The following GBE1 variants were observed in gnomAD, a reference collection of about 807,000 sequenced individuals.
The protein encoded by GBE1 is 1,4-alpha-glucan branching enzyme 1.
GBE1 carries 70 observed loss-of-function variants against 88.8 expected under a neutral mutation model. That is an observed-to-expected ratio of 0.79 (90% CI 0.65 to 0.96). GBE1 has a LOEUF of 0.96. Among genes scored for constraint, GBE1 ranks in the 40% least tolerant of loss-of-function variants. The pLI, the probability that GBE1 is intolerant of heterozygous loss-of-function variation, is 0.00. For synonymous variants in GBE1, 284 were observed against 300.1 expected (o/e 0.95, Z 0.56); for missense variants, 872 against 871.0 (o/e 1.00, Z -0.01).
In GBE1 at chr3:81,502,832, T is replaced by C. The variant is rs556209841; in HGVS notation, c.1935-3605A>G. ...CAATTCCTACATCATCCTTTTTCTGTGAAAATTTATCTCTGAAAATATGAC... is the reference window on the plus strand; with the variant it reads ...CAATTCCTACATCATCCTTTTTCTGCGAAAATTTATCTCTGAAAATATGAC... On this transcript the variant is annotated intron_variant, in intron 14 of 15. Transcript: ENST00000429644. Among the ~76,000 whole-genome samples, 89 of 152,194 alleles carry C rather than the reference T, an allele frequency of 5.8e-4. 2 individuals carry two copies. Among genetic ancestry groups the C allele is most frequent in the Non-Finnish European group, 3.5e-4 (24 of 68,024 alleles).
At chr3:81,632,449 G>GA (rs547193414) in intron 7 of GBE1, among the ~76,000 whole-genome samples, 40 of 151,734 alleles carry the variant, frequency 2.6e-4, no homozygotes, top group Middle Eastern at 3.4e-3. Context: ...CAACAAAGAT[G>GA]AAAAAAAAGC....
At chr3:81,688,697 T>C (rs1347763444) in intron 2 of GBE1, among the ~76,000 whole-genome samples, 6 of 152,052 alleles carry the variant, frequency 3.9e-5, no homozygotes, top group Admixed American at 3.3e-4. Context: ...TTACTATGGG[T>C]CACTAACCAA....
chr3:81,496,141 G>T (rs897679951), intron 15 of GBE1, among the ~76,000 whole-genome samples: 8 of 152,178 alleles, frequency 5.3e-5, no homozygotes, highest in Non-Finnish European at 1.0e-4. Flanking sequence ...AAAATATAGA[G>T]AAATGATTAT....
intron 14 of GBE1, among the ~76,000 whole-genome samples, chr3:81,524,726 T>C (rs1261907524): frequency 6.6e-6 from 1 of 151,864 alleles, no homozygotes; most frequent in Non-Finnish European, 1.5e-5. Context: ...TGTAGATACA[T>C]GGATTGATTT....
Position 81,670,921 on chromosome 3 carries a change from T to C in GBE1, c.346A>G (p.Lys116Glu), listed in dbSNP as rs377305989. The change falls in exon 3 of 16, where the codon AAA becomes GAA. Residue 116 changes from lysine (K) to glutamate (E), a missense_variant. Lys to Glu is a moderately conservative substitution (Grantham distance 56). Coordinates refer to ENST00000429644, the MANE Select transcript of GBE1 (RefSeq NM_000158.4). ...GWNPFSYPYK[K>E]LDYGKWELYI... Reference sequence around the variant, plus strand: ...AGCTCCCATTTTCCATAATCCAGTTTTTTGTATGGGTACGAAAATGGATTC... The same window carrying C: ...AGCTCCCATTTTCCATAATCCAGTTCTTTGTATGGGTACGAAAATGGATTC... The C allele has an allele frequency of 7.8e-5, 123 of 1,573,772 alleles. No individual in the cohort carries two copies. In the African/African-American group the frequency reaches 1.2e-3, roughly 15 times the overall value.
At chr3:81,597,553 C>T (rs963666507) in intron 7 of GBE1, among the ~76,000 whole-genome samples, 13 of 148,734 alleles carry the variant, frequency 8.7e-5, no homozygotes, top group African/African-American at 3.0e-4. Flanking sequence ...CATTTTAGCT[C>T]TTAGCTTTAT....
At chr3:81,553,787 A>G (rs910746297) in intron 12 of GBE1, among the ~76,000 whole-genome samples, 7 of 151,898 alleles carry the variant, frequency 4.6e-5, no homozygotes, top group African/African-American at 1.7e-4. Flanking sequence ...TTAAATCAGA[A>G]GAGAACAGAT....
intron 4 of GBE1, among the ~76,000 whole-genome samples, chr3:81,649,460 A>G (rs1055081446): frequency 6.6e-6 from 1 of 152,036 alleles, no homozygotes; most frequent in Non-Finnish European, 1.5e-5. Context: ...CCTAATTCAA[A>G]CCCTGAGAAA....
intron 12 of GBE1, among the ~76,000 whole-genome samples, chr3:81,549,239 A>C (rs968330340): frequency 6.6e-6 from 1 of 151,184 alleles, no homozygotes. Flanking sequence ...CTTCTTGGCC[A>C]GGCTGGTCTC....
rs1193166111 is a variant in GBE1 at position 81,560,783 on chromosome 3, T to C, written c.1618+17142A>G. On this transcript the variant is annotated intron_variant, in intron 12 of 15. Transcript: ENST00000429644. The stretch of plus-strand genomic sequence containing the variant: ...AAAGCTGTTTCTGGGTTGTTTCTCT[T>C]ATGCTATAAAATTCCTTCGTAAAAA... Among the ~76,000 whole-genome samples the C allele has an allele frequency of 2.6e-5, 4 of 152,140 alleles. No individual in the cohort carries two copies. In the South Asian group the frequency reaches 8.3e-4, roughly 31 times the overall value.
chr3:81,716,334 AT>A (rs1445702585), intron 1 of GBE1, among the ~76,000 whole-genome samples: 2 of 152,294 alleles, frequency 1.3e-5, no homozygotes, highest in Middle Eastern at 3.4e-3. Flanking sequence ...TAAATTCAAA[AT>A]TATTATCTTT....
In GBE1 at chr3:81,606,231, T is replaced by C. The variant is rs115712116; in HGVS notation, c.993-12208A>G. Among the ~76,000 whole-genome samples, 1,247 of 152,326 alleles carry C rather than the reference T, an allele frequency of 8.2e-3. 8 individuals carry two copies. The highest frequency in any genetic ancestry group is 0.014 in the Non-Finnish European group (945 of 68,022). On this transcript the variant is annotated intron_variant, in intron 7 of 15. Coordinates refer to ENST00000429644, the MANE Select transcript of GBE1 (RefSeq NM_000158.4). ...CTGATGAAATTTAGAGAATTCAGTC[T>C]ATGCTTTAAAAATGAGCCTTCTTTC...
Position 81,705,410 on chromosome 3 carries a change from A to G in GBE1, c.313+34T>C, listed in dbSNP as rs749813513. On this transcript the variant is annotated intron_variant, in intron 2 of 15. Coordinates refer to ENST00000429644, the MANE Select transcript of GBE1 (RefSeq NM_000158.4). ...ATATGTATTAAATAGTTAATAAGAT[A>G]TTACTATTTAGTTCAATGCTTTCAA... is the stretch of plus-strand genomic sequence containing the variant. The G allele has an allele frequency of 4.4e-6, 6 of 1,373,854 alleles. No individual in the cohort carries two copies. In the East Asian group the frequency reaches 1.3e-4, roughly 29 times the overall value. 85.1% of individuals were successfully genotyped at this position (1,373,854 alleles called of 1,614,324 possible).
At chr3:81,640,718 T>C (rs1559672884) in intron 7 of GBE1, among the ~76,000 whole-genome samples, 2 of 151,792 alleles carry the variant, frequency 1.3e-5, no homozygotes, top group African/African-American at 4.8e-5. Context: ...TTCTATAAAA[T>C]GGGAAAATTT....
At chr3:81,667,850 C>T (rs796141800) in intron 3 of GBE1, among the ~76,000 whole-genome samples, 7 of 152,102 alleles carry the variant, frequency 4.6e-5, no homozygotes, top group East Asian at 1.9e-4. Context: ...TCGGTTTGCC[C>T]GTATTTTATT....
chr3:81,740,662 A>G (rs1252079518), intron 1 of GBE1, among the ~76,000 whole-genome samples: 2 of 152,050 alleles, frequency 1.3e-5, no homozygotes, highest in Non-Finnish European at 2.9e-5. Context: ...TCTTTCTCCA[A>G]CTATACAAAC....
chr3:81,651,665 G>A (rs577951996), intron 3 of GBE1, among the ~76,000 whole-genome samples: 45 of 152,058 alleles, frequency 3.0e-4, no homozygotes, highest in Non-Finnish European at 4.3e-4. Context: ...CCCAGAACAA[G>A]GTATGAGGAA....
At chr3:81,503,991 T>C (rs547060071) in intron 14 of GBE1, among the ~76,000 whole-genome samples, 66 of 152,192 alleles carry the variant, frequency 4.3e-4, no homozygotes, top group Admixed American at 4.0e-3. Context: ...GAATGTCACA[T>C]GGCAAGCAAG....
intron 7 of GBE1, chr3:81,612,525 C>A: frequency 1.0e-6 from 1 of 953,994 alleles, no homozygotes; most frequent in Non-Finnish European, 1.6e-6. Context: ...TCGTCCTTCT[C>A]CCCAAGCAGT....
Sources: gnomAD v4.1 joint callset for allele counts (sites outside exome capture counted in the v4.1 genomes callset) on GRCh38, gnomAD v4.1.1 for gene constraint, MANE v1.5 for transcripts, NCBI Gene and HGNC (gene_info 2026-07-23, HGNC 2026-07-21) for gene names.